ADAM29: variants seen among roughly 807,000 people sequenced by gnomAD.
The protein encoded by ADAM29 is disintegrin and metalloproteinase domain-containing protein 29.
For synonymous variants in ADAM29, 367 were observed against 342.3 expected (o/e 1.07, Z -0.80); for missense variants, 969 against 1,001.8 (o/e 0.97, Z 0.44).
In ADAM29 at chr4:174,953,210, C is replaced by T. The variant is rs565362272; in HGVS notation, c.-181+16197C>T. On this transcript the variant is annotated intron_variant, in intron 4 of 4. Coordinates refer to ENST00000359240, the MANE Select transcript of ADAM29 (RefSeq NM_014269.4). ...CTGAGGCAGGAGAATGGCATGAACC[C>T]AGGAGGCGGAGCTTGCAGTGAGCTG... is the stretch of plus-strand genomic sequence containing the variant. Among the ~76,000 whole-genome samples the T allele has an allele frequency of 7.9e-5, 12 of 152,128 alleles. No individual in the cohort carries two copies. The South Asian group carries it at 2.5e-3, about 32-fold the overall frequency.
intron 4 of ADAM29, among the ~76,000 whole-genome samples, chr4:174,963,492 G>C (rs955627398): frequency 1.3e-5 from 2 of 151,588 alleles, no homozygotes; most frequent in Non-Finnish European, 2.9e-5. Context: ...AAAGGCCTTA[G>C]CAAAAAAAAG....
intron 2 of ADAM29, among the ~76,000 whole-genome samples, chr4:174,927,735 G>A (rs555193624): frequency 1.2e-3 from 184 of 152,170 alleles, no homozygotes; most frequent in African/African-American, 4.3e-3. Flanking sequence ...ACCTGTTATG[G>A]CGAGGTCCCT....
At chr4:174,956,737 G>A (rs1392348489) in intron 4 of ADAM29, among the ~76,000 whole-genome samples, 1 of 151,762 alleles carries the variant, frequency 6.6e-6, no homozygotes, top group Non-Finnish European at 1.5e-5. Context: ...AACACAGATG[G>A]AAACCCTGCT....
Position 174,963,846 on chromosome 4 carries a change from T to A in ADAM29, c.-180-11500T>A, listed in dbSNP as rs183856313. Among the ~76,000 whole-genome samples the A allele has an allele frequency of 5.0e-3, 765 of 152,188 alleles. 4 individuals are homozygous for A. The highest frequency in any genetic ancestry group is 8.5e-3 in the Non-Finnish European group (575 of 67,994). The stretch of plus-strand genomic sequence containing the variant: ...ACAGGTGCCCACCACTGTGCCCAGC[T>A]AAGTTTTGCATTTTTAGTAGAGACG... On this transcript the variant is annotated intron_variant, in intron 4 of 4. Transcript: ENST00000359240.
intron 4 of ADAM29, among the ~76,000 whole-genome samples, chr4:174,974,522 G>A (rs572990241): frequency 3.9e-5 from 6 of 152,264 alleles, no homozygotes; most frequent in Non-Finnish European, 7.4e-5. Flanking sequence ...TATTTAGAAC[G>A]AAGGATAAGG....
chr4:174,928,647 G>A (rs1743668241), intron 2 of ADAM29, among the ~76,000 whole-genome samples: 1 of 150,452 alleles, frequency 6.6e-6, no homozygotes, highest in Non-Finnish European at 1.5e-5. Context: ...CAATAGGGGA[G>A]AGAGACTAAA....
At position 174,969,085 on chromosome 4, in the gene ADAM29, A is replaced by C. The variant is rs1479773081; in HGVS notation, c.-180-6261A>C. On this transcript the variant is annotated intron_variant, in intron 4 of 4. Transcript: ENST00000359240. ...TTTCCATCACATAGTCAGATCTGTC[A>C]TTAGAAAACTTAGTCTCTTATTTTC... is the stretch of plus-strand genomic sequence containing the variant. 2.6e-5 allele frequency among the ~76,000 whole-genome samples: 4 copies of C among 152,028 alleles called. No individual in the cohort carries two copies. In the South Asian group the frequency reaches 6.2e-4, roughly 24 times the overall value.
intron 4 of ADAM29, among the ~76,000 whole-genome samples, chr4:174,965,841 A>G (rs1417664240): frequency 1.3e-5 from 2 of 152,144 alleles, no homozygotes; most frequent in East Asian, 3.9e-4. Context: ...CTCCACTTCC[A>G]AATAACATTA....
At chr4:174,944,329 A>G (rs1267873454) in intron 4 of ADAM29, among the ~76,000 whole-genome samples, 3 of 152,180 alleles carry the variant, frequency 2.0e-5, no homozygotes, top group African/African-American at 4.8e-5. Context: ...AAGGAAAGAT[A>G]GTTTAAAAAA....
chr4:174,976,274 T>A lies in ADAM29; in HGVS notation c.749T>A (p.Ile250Asn). ...AAGGTGTTATTATTTGGTTTGGAGA[T>A]CTGGACCAATAAAAACCTCATTGTA... ...GVKVLLFGLEIWTNKNLIVVD... is the reference protein window; with the variant it reads ...GVKVLLFGLENWTNKNLIVVD... Residue 250 changes from isoleucine (I) to asparagine (N), a missense_variant, in exon 5 of 5, where the codon ATC becomes AAC. Coordinates refer to ENST00000359240, the MANE Select transcript of ADAM29 (RefSeq NM_014269.4). 1 of 1,611,322 alleles carries A rather than the reference T, an allele frequency of 6.2e-7. No individual in the cohort carries two copies. The highest frequency in any genetic ancestry group is 8.5e-7 in the Non-Finnish European group (1 of 1,179,140).
chr4:174,936,112 T>C (rs1281971813), intron 3 of ADAM29, among the ~76,000 whole-genome samples: 6 of 152,048 alleles, frequency 3.9e-5, no homozygotes, highest in Admixed American at 6.6e-5. Context: ...ATAATGGCAT[T>C]GTAGACCTTC....
intron 4 of ADAM29, among the ~76,000 whole-genome samples, chr4:174,962,765 GA>G (rs1745916425): frequency 6.6e-6 from 1 of 151,430 alleles, no homozygotes; most frequent in South Asian, 2.1e-4. Flanking sequence ...ATATGTCAAT[GA>G]AAAAAATAAA....
intron 4 of ADAM29, among the ~76,000 whole-genome samples, chr4:174,958,383 C>T (rs1346474967): frequency 6.6e-6 from 1 of 151,630 alleles, no homozygotes; most frequent in Non-Finnish European, 1.5e-5. Flanking sequence ...GAGAATTGAC[C>T]TTTTTTATCA....
intron 4 of ADAM29, among the ~76,000 whole-genome samples, chr4:174,970,127 C>G (rs1380924276): frequency 6.6e-6 from 1 of 151,910 alleles, no homozygotes; most frequent in Non-Finnish European, 1.5e-5. Flanking sequence ...AGAATATACA[C>G]AGATTAAAAG....
chr4:174,921,142 A>G (rs1241392345), intron 2 of ADAM29, among the ~76,000 whole-genome samples: 1 of 152,236 alleles, frequency 6.6e-6, no homozygotes, highest in African/African-American at 2.4e-5. Context: ...CAAGATGAGT[A>G]TAAACAAAAT....
At chr4:174,955,257 C>G (rs1242617817) in intron 4 of ADAM29, among the ~76,000 whole-genome samples, 7 of 151,880 alleles carry the variant, frequency 4.6e-5, no homozygotes, top group Admixed American at 4.6e-4. Flanking sequence ...CATGAATTGT[C>G]TGATCAGGAA....
intron 3 of ADAM29, among the ~76,000 whole-genome samples, chr4:174,936,489 CT>C (rs751321841): frequency 3.3e-5 from 5 of 151,882 alleles, no homozygotes; most frequent in Non-Finnish European, 7.4e-5. Flanking sequence ...TCTATTACCA[CT>C]GTAAACTTGC....
At chr4:174,934,269 T>C (rs1467339838) in intron 3 of ADAM29, among the ~76,000 whole-genome samples, 1 of 152,162 alleles carries the variant, frequency 6.6e-6, no homozygotes. Flanking sequence ...GTATCATTAG[T>C]GAACTAATTA....
intron 4 of ADAM29, among the ~76,000 whole-genome samples, chr4:174,974,024 G>A (rs1330870088): frequency 6.6e-6 from 1 of 152,224 alleles, no homozygotes; most frequent in Admixed American, 6.5e-5. Context: ...GTTATCGAAT[G>A]ACGGTTAGGT....
Sources: gnomAD v4.1 joint callset for allele counts (sites outside exome capture counted in the v4.1 genomes callset) on GRCh38, gnomAD v4.1.1 for gene constraint, MANE v1.5 for transcripts, NCBI Gene and HGNC (gene_info 2026-07-23, HGNC 2026-07-21) for gene names.